The following SLX4IP variants were observed in gnomAD, a reference collection of about 807,000 sequenced individuals.
SLX4IP encodes SLX4 interacting protein.
SLX4IP carries 34 observed loss-of-function variants against 32.9 expected under a neutral mutation model. That is an observed-to-expected ratio of 1.03 (90% CI 0.79 to 1.38). The LOEUF is 1.38. SLX4IP is among the 40% of genes most tolerant of loss of function. The probability of loss-of-function intolerance (pLI) is 0.00; values close to 1 mark genes in which losing one functional copy is unlikely to be tolerated. For synonymous variants in SLX4IP, 172 were observed against 171.7 expected (o/e 1.00, Z -0.01); for missense variants, 444 against 479.0 (o/e 0.93, Z 0.68).
intron 4 of SLX4IP, among the ~76,000 whole-genome samples, chr20:10,578,994 T>C (rs916438545): frequency 6.6e-6 from 1 of 152,234 alleles, no homozygotes; most frequent in Non-Finnish European, 1.5e-5. Flanking sequence ...ATATGATTTA[T>C]AACATTTTTC....
intron 2 of SLX4IP, among the ~76,000 whole-genome samples, chr20:10,480,699 A>G (rs891521571): frequency 1.3e-5 from 2 of 152,256 alleles, no homozygotes; most frequent in Non-Finnish European, 2.9e-5. Flanking sequence ...AAAATAGCCT[A>G]GAAATAAATA....
At chr20:10,452,535 A>C (rs1378518075) in intron 1 of SLX4IP, among the ~76,000 whole-genome samples, 1 of 151,802 alleles carries the variant, frequency 6.6e-6, no homozygotes, top group Non-Finnish European at 1.5e-5. Context: ...GCGTGGTGGC[A>C]TGCACCTGTA....
In SLX4IP at chr20:10,626,183, T is replaced by G. The variant is rs902160892; in HGVS notation, c.*2804T>G. 8.3e-5 allele frequency: 11 copies of G among 132,584 alleles called. No individual in the cohort carries two copies. Among genetic ancestry groups the G allele is most frequent in the African/African-American group, 2.7e-4 (10 of 36,660 alleles). The allele number at this position is 132,584 out of a possible 1,614,324, so 8.2% of individuals were successfully genotyped here. A position where few individuals can be genotyped will look rare whatever the true frequency, so the allele number is the denominator to read the frequency against. On this transcript the variant is annotated 3_prime_UTR_variant, in exon 8 of 8. Transcript: ENST00000334534. ...ACGCTCGCCACCACGCCCGGCTAAT[T>G]TTTTGTATTTTTTTTTTTTTTTTTT...
At chr20:10,545,974 A>C (rs2066158586) in intron 2 of SLX4IP, among the ~76,000 whole-genome samples, 1 of 152,210 alleles carries the variant, frequency 6.6e-6, no homozygotes, top group Admixed American at 6.5e-5. Flanking sequence ...ATTCTTCACA[A>C]ATATTAAAGA....
chr20:10,513,532 T>C (rs1054011574), intron 2 of SLX4IP, among the ~76,000 whole-genome samples: 3 of 152,236 alleles, frequency 2.0e-5, no homozygotes, highest in Non-Finnish European at 4.4e-5. Context: ...CACCTTTTCA[T>C]TACAAAATCC....
chr20:10,510,203 G>A (rs2065794871), intron 2 of SLX4IP, among the ~76,000 whole-genome samples: 1 of 152,148 alleles, frequency 6.6e-6, no homozygotes, highest in African/African-American at 2.4e-5. Context: ...GCATTTACTA[G>A]TCACTCTTCT....
chr20:10,567,684 C>T (rs2066413076), intron 4 of SLX4IP, among the ~76,000 whole-genome samples: 1 of 152,140 alleles, frequency 6.6e-6, no homozygotes, highest in South Asian at 2.1e-4. Context: ...ATAACTTTTC[C>T]CCAAATATTT....
intron 2 of SLX4IP, among the ~76,000 whole-genome samples, chr20:10,478,480 G>A (rs1179672716): frequency 2.0e-5 from 3 of 152,172 alleles, no homozygotes; most frequent in African/African-American, 7.2e-5. Flanking sequence ...ATGCTTTGAT[G>A]AAGATCGAAA....
intron 2 of SLX4IP, among the ~76,000 whole-genome samples, chr20:10,460,070 C>CAT (rs888970664): frequency 6.6e-6 from 1 of 151,838 alleles, no homozygotes; most frequent in African/African-American, 2.4e-5. Context: ...TTTTTGTATC[C>CAT]ATATATATAT....
intron 2 of SLX4IP, among the ~76,000 whole-genome samples, chr20:10,467,584 A>C (rs2065390705): frequency 6.6e-6 from 1 of 152,250 alleles, no homozygotes; most frequent in Non-Finnish European, 1.5e-5. Context: ...GAGTTTGCAG[A>C]GTGGTTGATG....
rs2067164736 is a variant in SLX4IP at position 10,625,770 on chromosome 20, A to T, written c.*2391A>T. 1 of 152,208 alleles carries T rather than the reference A, an allele frequency of 6.6e-6. No individual in the cohort carries two copies. Among genetic ancestry groups the T allele is most frequent in the East Asian group, 1.9e-4 (1 of 5,196 alleles). The allele number at this position is 152,208 out of a possible 1,614,324, so 9.4% of individuals were successfully genotyped here. A position where few individuals can be genotyped will look rare whatever the true frequency, so the allele number is the denominator to read the frequency against. ...AAAGGGATTTTAACAGGATTTACAG[A>T]GGGAATGGCTCTCAGTTCCCACACT... On this transcript the variant is annotated 3_prime_UTR_variant, in exon 8 of 8. Coordinates refer to ENST00000334534, the MANE Select transcript of SLX4IP (RefSeq NM_001009608.3).
At chr20:10,509,806 G>A (rs1466049400) in intron 2 of SLX4IP, among the ~76,000 whole-genome samples, 2 of 151,682 alleles carry the variant, frequency 1.3e-5, no homozygotes, top group Non-Finnish European at 2.9e-5. Context: ...CCTCCCCTTC[G>A]GCTTTCCCAG....
rs562422957 is a variant in SLX4IP at position 10,468,525 on chromosome 20, T to G, written c.27+10294T>G. On this transcript the variant is annotated intron_variant, in intron 2 of 7. Coordinates refer to ENST00000334534, the MANE Select transcript of SLX4IP (RefSeq NM_001009608.3). Reference sequence around the variant, plus strand: ...ACTTGGACCCATGTTTGTTTTCATCTTGGAACTGGGGAACGTGGCCCACTT... The same window carrying G: ...ACTTGGACCCATGTTTGTTTTCATCGTGGAACTGGGGAACGTGGCCCACTT... 8.5e-4 allele frequency among the ~76,000 whole-genome samples: 129 copies of G among 152,332 alleles called. No homozygotes were observed. The Middle Eastern group carries it at 0.01, about 12-fold the overall frequency.
At chr20:10,472,565 G>A (rs2065434567) in intron 2 of SLX4IP, among the ~76,000 whole-genome samples, 1 of 152,110 alleles carries the variant, frequency 6.6e-6, no homozygotes, top group South Asian at 2.1e-4. Context: ...AGGGATTTTT[G>A]TGTGCATGGT....
At chr20:10,480,312 A>G (rs2065510691) in intron 2 of SLX4IP, among the ~76,000 whole-genome samples, 1 of 151,830 alleles carries the variant, frequency 6.6e-6, no homozygotes, top group Non-Finnish European at 1.5e-5. Flanking sequence ...AGATGGGAGG[A>G]TCACCTGAGC....
intron 2 of SLX4IP, among the ~76,000 whole-genome samples, chr20:10,529,209 A>G (rs1406065613): frequency 6.6e-6 from 1 of 152,212 alleles, no homozygotes; most frequent in Non-Finnish European, 1.5e-5. Flanking sequence ...TCATGCTAAC[A>G]TGAGACATTT....
At chr20:10,438,736 C>G (rs1419653301) in intron 1 of SLX4IP, among the ~76,000 whole-genome samples, 1 of 151,992 alleles carries the variant, frequency 6.6e-6, no homozygotes, top group African/African-American at 2.4e-5. Flanking sequence ...TCCCAAAGTG[C>G]TGGGATTACA....
intron 2 of SLX4IP, among the ~76,000 whole-genome samples, 157 bp downstream of exon 2, chr20:10,458,388 C>T (rs1164343821): frequency 6.6e-5 from 10 of 151,866 alleles, no homozygotes; most frequent in Non-Finnish European, 1.5e-4. Context: ...AGTTCTGGGG[C>T]ATGTGTGCAG....
chr20:10,484,940 A>C (rs2065559231), intron 2 of SLX4IP, among the ~76,000 whole-genome samples: 1 of 152,010 alleles, frequency 6.6e-6, no homozygotes, highest in African/African-American at 2.4e-5. Context: ...ACACAGGGAG[A>C]GTGCACTCAG....
Sources: allele counts gnomAD v4.1 joint callset (sites outside exome capture counted in the v4.1 genomes callset), GRCh38; gene constraint gnomAD v4.1.1; transcripts MANE v1.5; gene names NCBI Gene and HGNC (gene_info 2026-07-23, HGNC 2026-07-21).